The following ANTXR1 variants were observed in gnomAD, a reference collection of about 807,000 sequenced individuals.
The protein encoded by ANTXR1 is anthrax toxin receptor 1.
ANTXR1 carries 19 observed loss-of-function variants against 78.1 expected under a neutral mutation model. The observed-to-expected ratio is 0.24, with a 90% CI of 0.17 to 0.36. The LOEUF (loss-of-function observed/expected upper bound fraction) is 0.36. Ranked by LOEUF, ANTXR1 falls within the 10% of genes least tolerant of loss-of-function variation. ANTXR1 has a pLI of 1.00. For missense variants in ANTXR1, 518 were observed against 718.6 expected, an observed-to-expected ratio of 0.72 and a Z score of 3.19; for synonymous variants, 273 against 260.5, an observed-to-expected ratio of 1.05 and a Z score of -0.46.
intron 14 of ANTXR1, among the ~76,000 whole-genome samples, chr2:69,175,434 G>T (rs534715230): frequency 3.5e-5 from 5 of 143,704 alleles, no homozygotes; most frequent in African/African-American, 1.5e-4. Context: ...TAGGGAGACC[G>T]CCCCCCGCCC....
At chr2:69,119,129 A>C (rs1672256481) in intron 10 of ANTXR1, among the ~76,000 whole-genome samples, 1 of 152,144 alleles carries the variant, frequency 6.6e-6, no homozygotes, top group Non-Finnish European at 1.5e-5. Flanking sequence ...CCTGGGCCAC[A>C]CTCATCCTCT....
At chr2:69,101,649 G>A (rs944052700) in intron 9 of ANTXR1, among the ~76,000 whole-genome samples, 5 of 152,158 alleles carry the variant, frequency 3.3e-5, no homozygotes, top group African/African-American at 4.8e-5. Flanking sequence ...ATTAAGCTTC[G>A]AGAGTCCCAT....
chr2:69,016,725 A>G (rs550027691), intron 1 of ANTXR1, among the ~76,000 whole-genome samples: 1 of 152,360 alleles, frequency 6.6e-6, no homozygotes, highest in South Asian at 2.1e-4. Flanking sequence ...TCTAGCAGGT[A>G]GAATTTTAAA....
At chr2:69,213,943 G>A (rs556297745) in intron 17 of ANTXR1, among the ~76,000 whole-genome samples, 1 of 152,270 alleles carries the variant, frequency 6.6e-6, no homozygotes, top group Non-Finnish European at 1.5e-5. Flanking sequence ...ATGGGCCAGT[G>A]TGGGGCATGG....
Position 69,246,787 on chromosome 2 carries a change from C to T in ANTXR1, c.*1302C>T, listed in dbSNP as rs1308646280. 2 of 152,196 alleles carry T rather than the reference C, an allele frequency of 1.3e-5. No homozygotes were observed. Among genetic ancestry groups the T allele is most frequent in the African/African-American group, 4.8e-5 (2 of 41,446 alleles). 9.4% of individuals were successfully genotyped at this position (152,196 alleles called of 1,614,324 possible). On this transcript the variant is annotated 3_prime_UTR_variant, in exon 18 of 18. Transcript: ENST00000303714. ...CTATAATCACTTGCTAAACACTGGG[C>T]TTCATCACCCAGGGATAAAAACAGA... is the stretch of plus-strand genomic sequence containing the variant.
chr2:69,223,498 T>G (rs1003653911), intron 17 of ANTXR1, among the ~76,000 whole-genome samples: 14 of 152,198 alleles, frequency 9.2e-5, no homozygotes, highest in Admixed American at 8.5e-4. Context: ...GTTGGAAGGA[T>G]AGCACTCAGT....
chr2:69,165,204 C>T (rs1673797274), intron 13 of ANTXR1, among the ~76,000 whole-genome samples: 1 of 152,206 alleles, frequency 6.6e-6, no homozygotes, highest in African/African-American at 2.4e-5. Context: ...ACAAATGCTT[C>T]ATTTCGTTAA....
intron 12 of ANTXR1, among the ~76,000 whole-genome samples, chr2:69,134,345 C>T (rs535822685): frequency 1.3e-5 from 2 of 152,298 alleles, no homozygotes; most frequent in Admixed American, 1.3e-4. Flanking sequence ...CTTTAGAGCC[C>T]TAATTCTACA....
At chr2:69,059,310 A>G (rs918370663) in intron 3 of ANTXR1, among the ~76,000 whole-genome samples, 1 of 152,168 alleles carries the variant, frequency 6.6e-6, no homozygotes, top group African/African-American at 2.4e-5. Context: ...TTGTTGTCTT[A>G]TTTTTAAAAA....
chr2:69,034,816 C>G (rs1362259414), intron 1 of ANTXR1, among the ~76,000 whole-genome samples: 1 of 152,100 alleles, frequency 6.6e-6, no homozygotes, highest in African/African-American at 2.4e-5. Flanking sequence ...ACTCCATAGC[C>G]AGAGTTTAAG....
At chr2:69,125,570 G>A (rs990749908) in intron 12 of ANTXR1, among the ~76,000 whole-genome samples, 2 of 152,248 alleles carry the variant, frequency 1.3e-5, no homozygotes, top group African/African-American at 2.4e-5. Flanking sequence ...TCTGGGCACA[G>A]TGGCACAGGC....
At chr2:69,119,563 T>G (rs974848060) in intron 10 of ANTXR1, among the ~76,000 whole-genome samples, 2 of 152,244 alleles carry the variant, frequency 1.3e-5, no homozygotes, top group African/African-American at 2.4e-5. Flanking sequence ...AATGCAGAGT[T>G]CATTTCTAGT....
chr2:69,101,800 C>T (rs2104316149), intron 9 of ANTXR1, among the ~76,000 whole-genome samples: 1 of 152,288 alleles, frequency 6.6e-6, no homozygotes, highest in Non-Finnish European at 1.5e-5. Context: ...TGCCACATAG[C>T]ATTATCCCGA....
At chr2:69,146,190 A>G in intron 12 of ANTXR1, 3 of 985,296 alleles carry the variant, frequency 3.0e-6, no homozygotes, top group Non-Finnish European at 3.6e-6. Flanking sequence ...ATTTGACAAG[A>G]CTTAAAACTA....
chr2:69,123,552 G>A (rs1263341558), intron 11 of ANTXR1, among the ~76,000 whole-genome samples: 1 of 152,206 alleles, frequency 6.6e-6, no homozygotes, highest in Non-Finnish European at 1.5e-5. Context: ...GCCATGGCTG[G>A]TTCATGGCGA....
At chr2:69,199,886 G>A (rs1002740801) in intron 17 of ANTXR1, among the ~76,000 whole-genome samples, 2 of 152,150 alleles carry the variant, frequency 1.3e-5, no homozygotes, top group Non-Finnish European at 2.9e-5. Context: ...GAGTAAGATA[G>A]GCTGATCACA....
chr2:69,171,386 C>T (rs532555926), intron 14 of ANTXR1, among the ~76,000 whole-genome samples: 1 of 152,252 alleles, frequency 6.6e-6, no homozygotes, highest in Non-Finnish European at 1.5e-5. Context: ...TCTTTACATA[C>T]ATTAAAACCT....
chr2:69,166,990 G>A (rs1488896211), intron 13 of ANTXR1, among the ~76,000 whole-genome samples: 1 of 152,248 alleles, frequency 6.6e-6, no homozygotes, highest in African/African-American at 2.4e-5. Context: ...GCATTTACTG[G>A]AGATCTGTTT....
chr2:69,028,634 A>G (rs893620451), intron 1 of ANTXR1, among the ~76,000 whole-genome samples: 1 of 152,206 alleles, frequency 6.6e-6, no homozygotes, highest in Non-Finnish European at 1.5e-5. Context: ...TACACAAAAG[A>G]AGTGGAAATG....
Sources: gnomAD v4.1 joint callset for allele counts (sites outside exome capture counted in the v4.1 genomes callset) on GRCh38, gnomAD v4.1.1 for gene constraint, MANE v1.5 for transcripts, NCBI Gene and HGNC (gene_info 2026-07-23, HGNC 2026-07-21) for gene names.